Variants in PTPRZ1 observed in about 807,000 individuals in gnomAD.
The protein encoded by PTPRZ1 is receptor-type tyrosine-protein phosphatase zeta.
PTPRZ1 carries 82 observed loss-of-function variants against 214.1 expected under a neutral mutation model. That is an observed-to-expected ratio of 0.38 (90% CI 0.32 to 0.46). The LOEUF is 0.46. Among genes scored for constraint, PTPRZ1 ranks in the 20% least tolerant of loss-of-function variants. PTPRZ1 has a pLI of 1.00. For missense variants in PTPRZ1, 2,603 were observed against 2,748.7 expected (o/e 0.95, Z 1.19); for synonymous variants, 945 against 987.9 (o/e 0.96, Z 0.81).
At chr7:121,898,497 T>C (rs1463827219) in intron 1 of PTPRZ1, among the ~76,000 whole-genome samples, 1 of 152,224 alleles carries the variant, frequency 6.6e-6, no homozygotes, top group Non-Finnish European at 1.5e-5. Flanking sequence ...TTGTATTTTC[T>C]AGAGAATGAG....
intron 25 of PTPRZ1, among the ~76,000 whole-genome samples, chr7:122,052,781 A>C (rs555311547): frequency 6.6e-6 from 1 of 152,296 alleles, no homozygotes; most frequent in African/African-American, 2.4e-5. Context: ...TCTCTTGTAG[A>C]GGCAACCAAG....
intron 15 of PTPRZ1, among the ~76,000 whole-genome samples, chr7:122,032,310 A>C (rs1455739206): frequency 6.6e-6 from 1 of 152,210 alleles, no homozygotes; most frequent in African/African-American, 2.4e-5. Context: ...TCTGGGAATT[A>C]CTTGTTATTA....
At chr7:121,898,970 AC>A (rs1190588942) in intron 1 of PTPRZ1, among the ~76,000 whole-genome samples, 3 of 152,106 alleles carry the variant, frequency 2.0e-5, no homozygotes, top group African/African-American at 7.2e-5. Context: ...TCCAGTGTAA[AC>A]TTTTATTTAT....
intron 1 of PTPRZ1, among the ~76,000 whole-genome samples, chr7:121,909,951 T>C (rs985797866): frequency 6.6e-6 from 1 of 152,182 alleles, no homozygotes; most frequent in African/African-American, 2.4e-5. Context: ...TTAAACTACA[T>C]GCATGTCTAA....
At chr7:121,988,447 A>G (rs1331315985) in intron 8 of PTPRZ1, among the ~76,000 whole-genome samples, 3 of 152,186 alleles carry the variant, frequency 2.0e-5, no homozygotes, top group African/African-American at 7.2e-5. Flanking sequence ...AATACAAACC[A>G]CTGTCAAATA....
chr7:121,889,995 C>T (rs1358743162), intron 1 of PTPRZ1, among the ~76,000 whole-genome samples: 1 of 152,114 alleles, frequency 6.6e-6, no homozygotes, highest in Non-Finnish European at 1.5e-5. Context: ...TTTTCTAGTT[C>T]CTTCTCATCC....
chr7:121,922,493 G>A (rs950591355), intron 1 of PTPRZ1, among the ~76,000 whole-genome samples: 3 of 152,254 alleles, frequency 2.0e-5, no homozygotes, highest in Middle Eastern at 3.4e-3. Context: ...GGGCGTAGGC[G>A]TGGGGTGAGG....
Position 122,004,216 on chromosome 7 carries a change from C to T in PTPRZ1, c.1241-398C>T, listed in dbSNP as rs114086788. 9.0e-3 allele frequency among the ~76,000 whole-genome samples: 1,375 copies of T among 152,290 alleles called. 18 individuals carry two copies. Among genetic ancestry groups the T allele is most frequent in the African/African-American group, 0.031 (1,294 of 41,560 alleles). ...CAGAAAATCCCTGGCATTTCCCCAA[C>T]CATGCTTTTATCAGCCCTGCTAAGG... On this transcript the variant is annotated intron_variant, in intron 10 of 29. Coordinates refer to ENST00000393386, the MANE Select transcript of PTPRZ1 (RefSeq NM_002851.3).
rs1792303055 is a variant in PTPRZ1, at chr7:122,054,931, A to G, written c.6382-10A>G. On this transcript the variant is annotated splice_polypyrimidine_tract_variant and intron_variant, in intron 26 of 29. Transcript: ENST00000393386. ...AAATCTAGACTCTTCTTTCATTTGC[A>G]ATTCTGCAGGCAGAAGATGAATTTG... 6.3e-7 allele frequency: 1 copy of G among 1,578,812 alleles called. No homozygotes were observed. Among genetic ancestry groups the G allele is most frequent in the South Asian group, 1.2e-5 (1 of 84,804 alleles).
chr7:121,993,572 C>CAAAAA (rs66916301), intron 8 of PTPRZ1, among the ~76,000 whole-genome samples: 15 of 73,582 alleles, frequency 2.0e-4, no homozygotes, highest in African/African-American at 5.9e-4. Context: ...GAGACTGTCT[C>CAAAAA]AAAAAAAAAA....
intron 8 of PTPRZ1, among the ~76,000 whole-genome samples, chr7:121,991,470 A>G (rs1365117456): frequency 6.6e-6 from 1 of 152,206 alleles, no homozygotes; most frequent in African/African-American, 2.4e-5. Flanking sequence ...GCATAAAGGG[A>G]GTGTCTTTGT....
chr7:122,025,788 A>T (rs576071800), intron 13 of PTPRZ1, among the ~76,000 whole-genome samples: 1 of 152,198 alleles, frequency 6.6e-6, no homozygotes, highest in Admixed American at 6.5e-5. Context: ...TTTGTCTGGC[A>T]TATTGGCCAG....
intron 22 of PTPRZ1, 121 bp downstream of exon 22, chr7:122,042,864 CAGA>C (rs1799775076): frequency 9.3e-7 from 1 of 1,071,478 alleles, no homozygotes. Flanking sequence ...GTTAGAACAA[CAGA>C]AGTTTATTGT....
At chr7:121,972,411 GCGA>G (rs542794828) in intron 3 of PTPRZ1, 127 bp from the exon 4 acceptor site, 10,000 of 950,774 alleles carry the variant, frequency 0.011, 85 homozygotes, top group Non-Finnish European at 0.014. Context: ...TTCCAAAATG[GCGA>G]CTTCATATTT....
At chr7:121,979,267 GGAGA>G (rs150379120) in intron 6 of PTPRZ1, among the ~76,000 whole-genome samples, 1 of 151,550 alleles carries the variant, frequency 6.6e-6, no homozygotes, top group Non-Finnish European at 1.5e-5. Context: ...TCCATGGAGT[GGAGA>G]GAGAGAGAGC....
chr7:122,039,715 C>A, intron 20 of PTPRZ1, 127 bp downstream of exon 20: 2 of 1,177,948 alleles, frequency 1.7e-6, no homozygotes, highest in Non-Finnish European at 2.3e-6. Context: ...TTCTTGTAAC[C>A]AGGCCAGGTG....
chr7:121,982,635 T>A (rs1797645483), intron 6 of PTPRZ1, among the ~76,000 whole-genome samples: 1 of 152,248 alleles, frequency 6.6e-6, no homozygotes, highest in African/African-American at 2.4e-5. Flanking sequence ...TTTCCTATTT[T>A]AAATCATATT....
chr7:121,899,577 A>T (rs888826949), intron 1 of PTPRZ1, among the ~76,000 whole-genome samples: 1 of 152,186 alleles, frequency 6.6e-6, no homozygotes, highest in African/African-American at 2.4e-5. Context: ...TCTCCTGAGA[A>T]AGCTTGAGTC....
At chr7:121,998,800 C>G (rs920164651) in intron 10 of PTPRZ1, among the ~76,000 whole-genome samples, 1 of 151,958 alleles carries the variant, frequency 6.6e-6, no homozygotes, top group African/African-American at 2.4e-5. Context: ...TAAATACATA[C>G]GTAAATATAT....
Sources: gnomAD v4.1 joint callset for allele counts (sites outside exome capture counted in the v4.1 genomes callset) on GRCh38, gnomAD v4.1.1 for gene constraint, MANE v1.5 for transcripts, NCBI Gene and HGNC (gene_info 2026-07-23, HGNC 2026-07-21) for gene names.